ALG6: variants seen among roughly 807,000 people sequenced by gnomAD.
ALG6 encodes the protein dolichyl pyrophosphate Man9GlcNAc2 alpha-1,3-glucosyltransferase.
A neutral mutation model predicts 66.6 loss-of-function variants in ALG6; 46 were observed. The observed-to-expected ratio is 0.69, with a 90% confidence interval of 0.55 to 0.88. The LOEUF (loss-of-function observed/expected upper bound fraction) is 0.88. Ranked by LOEUF, ALG6 falls within the 40% of genes least tolerant of loss-of-function variation. The probability of loss-of-function intolerance (pLI) is 0.00; values close to 1 mark genes in which losing one functional copy is unlikely to be tolerated. For synonymous variants in ALG6, 185 were observed against 203.7 expected, an observed-to-expected ratio of 0.91 and a Z score of 0.78; for missense variants, 505 against 586.8, an observed-to-expected ratio of 0.86 and a Z score of 1.44.
chr1:63,387,570 C>T (rs376648077), intron 2 of ALG6, among the ~76,000 whole-genome samples: 11 of 84,348 alleles, frequency 1.3e-4, no homozygotes, highest in East Asian at 8.9e-4. Context: ...GAGACAGAGT[C>T]TTGCTCTGTT....
chr1:63,433,417 G>A lies in ALG6; in HGVS notation c.1327-3406G>A, dbSNP rs1438528079. ...ACAAGGCAGGTATTCTCAGGGCAGA[G>A]TTGAATGGGTGTCCTGAGGGTTTTG... On this transcript the variant is annotated intron_variant, in intron 14 of 14. Transcript: ENST00000263440. This position sits in a 1 kb window ranked among gnomAD's most constrained non-coding sequence, Gnocchi z 4.2. 6.6e-6 allele frequency among the ~76,000 whole-genome samples: 1 copy of A among 152,194 alleles called. No homozygotes were observed. Among genetic ancestry groups the A allele is most frequent in the African/African-American group, 2.4e-5 (1 of 41,448 alleles).
intron 3 of ALG6, among the ~76,000 whole-genome samples, chr1:63,400,296 CGTATATATATGTATATATATAT>C (rs1644454110): frequency 3.0e-4 from 2 of 6,560 alleles, no homozygotes; most frequent in Admixed American, 2.8e-3. Context: ...TATATATATA[CGTATATATATGTATATATATAT>C]ACGTATATAT....
At chr1:63,377,795 A>G (rs1648181923) in intron 2 of ALG6, among the ~76,000 whole-genome samples, 1 of 152,222 alleles carries the variant, frequency 6.6e-6, no homozygotes, top group Non-Finnish European at 1.5e-5. Flanking sequence ...GTACAGTGGC[A>G]TGACCATAGT....
intron 12 of ALG6, among the ~76,000 whole-genome samples, chr1:63,425,352 C>T (rs1371802226): frequency 6.6e-6 from 1 of 152,078 alleles, no homozygotes. Context: ...TGGCATTGGA[C>T]AGATGTGTGA....
intron 14 of ALG6, among the ~76,000 whole-genome samples, chr1:63,431,569 A>ACC (rs1376852377): frequency 6.6e-6 from 1 of 152,174 alleles, no homozygotes; most frequent in East Asian, 1.9e-4. Flanking sequence ...GGCCTGTGCC[A>ACC]CCACACCCGG....
intron 12 of ALG6, among the ~76,000 whole-genome samples, chr1:63,426,025 A>G (rs1644613477): frequency 6.6e-6 from 1 of 152,182 alleles, no homozygotes; most frequent in African/African-American, 2.4e-5. Context: ...TGAGATCACT[A>G]GAAGAGAGGC....
rs1483312967 is a variant in ALG6, at chr1:63,381,364, G to C, written c.82+10305G>C. On this transcript the variant is annotated intron_variant, in intron 2 of 14. Coordinates refer to ENST00000263440, the MANE Select transcript of ALG6 (RefSeq NM_013339.4). ...AGCTACTAGGGAGGCTGAGGCAGGAGAATGGCATGAACCCAGGAGGCGGAG... is the reference window on the plus strand; with the variant it reads ...AGCTACTAGGGAGGCTGAGGCAGGACAATGGCATGAACCCAGGAGGCGGAG... 4.6e-5 allele frequency among the ~76,000 whole-genome samples: 7 copies of C among 152,314 alleles called. No individual in the cohort carries two copies. The East Asian group carries it at 1.4e-3, about 29-fold the overall frequency.
chr1:63,411,905 CT>C lies in ALG6; in HGVS notation c.681-20del. ...TACTGACCTTTCCCTATCTTACTGCCTACCTTTGTTTTTGTTTTAGGTTTGT... is the reference window on the plus strand; with the variant it reads ...TACTGACCTTTCCCTATCTTACTGCCACCTTTGTTTTTGTTTTAGGTTTGT... On this transcript the variant is annotated intron_variant, in intron 8 of 14. Coordinates refer to ENST00000263440, the MANE Select transcript of ALG6 (RefSeq NM_013339.4). 6.2e-7 allele frequency: 1 copy of C among 1,613,966 alleles called. No individual in the cohort carries two copies. The highest frequency in any genetic ancestry group is 1.1e-5 in the South Asian group (1 of 91,074).
chr1:63,424,163 C>T (rs368355879), intron 12 of ALG6, among the ~76,000 whole-genome samples: 14 of 151,860 alleles, frequency 9.2e-5, no homozygotes, highest in East Asian at 3.9e-4. Context: ...TTTTTTGAGA[C>T]GGAGTCTCGC....
At chr1:63,435,737 T>C (rs1001846556) in intron 14 of ALG6, among the ~76,000 whole-genome samples, 4 of 152,064 alleles carry the variant, frequency 2.6e-5, no homozygotes, top group African/African-American at 9.6e-5. Flanking sequence ...TTTAAACTTA[T>C]TAAATTTAAA....
rs1192053870 is a variant in ALG6 at position 63,400,223 on chromosome 1, GTATATA to G, written c.168-2016_168-2011del. ...AAAAAAAAAATATATATATATATAC[GTATATA>G]TATATATATATATACGTATATATAT... On this transcript the variant is annotated intron_variant, in intron 3 of 14. Coordinates refer to ENST00000263440, the MANE Select transcript of ALG6 (RefSeq NM_013339.4). Among the ~76,000 whole-genome samples, 6 of 6,138 alleles carry G rather than the reference GTATATA, an allele frequency of 9.8e-4. 2 individuals carry two copies. Among genetic ancestry groups the G allele is most frequent in the African/African-American group, 3.4e-3 (2 of 588 alleles). The allele number at this position is 6,138 out of a possible 152,430, so 4.0% of individuals were successfully genotyped here.
At chr1:63,401,090 C>T (rs1297720429) in intron 3 of ALG6, among the ~76,000 whole-genome samples, 1 of 152,108 alleles carries the variant, frequency 6.6e-6, no homozygotes, top group Non-Finnish European at 1.5e-5. Context: ...AGACATGGAA[C>T]CCAAGATTGT....
At chr1:63,413,863 C>T in intron 9 of ALG6, 198 bp from the exon 10 acceptor site, 1 of 497,314 alleles carries the variant, frequency 2.0e-6, no homozygotes, top group South Asian at 2.2e-5. Flanking sequence ...TGATCAACTG[C>T]CCTGCACAAA....
At chr1:63,429,431 T>C (rs1477343002) in intron 14 of ALG6, 1 of 275,686 alleles carries the variant, frequency 3.6e-6, no homozygotes, top group Non-Finnish European at 6.9e-6. Flanking sequence ...TAGATTTGCC[T>C]ACTTTGGACA....
chr1:63,386,600 T>C (rs1648511047), intron 2 of ALG6, among the ~76,000 whole-genome samples: 1 of 152,158 alleles, frequency 6.6e-6, no homozygotes, highest in South Asian at 2.1e-4. Context: ...TTTTTTGGCA[T>C]ATAATTGCTC....
At chr1:63,391,645 A>G (rs1443962120) in intron 2 of ALG6, among the ~76,000 whole-genome samples, 8 of 152,228 alleles carry the variant, frequency 5.3e-5, no homozygotes, top group Non-Finnish European at 8.8e-5. Context: ...TCAGAACTCC[A>G]TCACACTCAA....
At chr1:63,373,378 G>GGAT (rs1648001210) in intron 2 of ALG6, among the ~76,000 whole-genome samples, 1 of 151,452 alleles carries the variant, frequency 6.6e-6, no homozygotes, top group East Asian at 2.0e-4. Flanking sequence ...TAAGGTGGGT[G>GGAT]GATTGCCTGA....
At chr1:63,406,618 T>A (rs1372689003) in intron 6 of ALG6, among the ~76,000 whole-genome samples, 2 of 152,122 alleles carry the variant, frequency 1.3e-5, no homozygotes, top group Non-Finnish European at 2.9e-5. Flanking sequence ...AGTTATGTAC[T>A]GTTGAACTAC....
rs1330719293 is a variant in ALG6 at position 63,371,016 on chromosome 1, A to G, written c.39A>G (p.Ile13Met). 2 of 1,611,104 alleles carry G rather than the reference A, an allele frequency of 1.2e-6. No homozygotes were observed. Among genetic ancestry groups the G allele is most frequent in the Admixed American group, 1.7e-5 (1 of 59,994 alleles). The change falls in exon 2 of 15, where the codon ATA (isoleucine) becomes ATG (methionine). Residue 13 changes from isoleucine (I) to methionine (M), a missense_variant. Physicochemically the swap from Ile to Met is conservative, Grantham distance 10. Transcript: ENST00000263440. ...KWYLMTVVVL[I>M]GLTVRWTVSL... is the part of the protein sequence containing the mutation. ...ACTTGATGACAGTAGTGGTTTTAAT[A>G]GGACTAACAGTACGATGGACAGTGT... is the stretch of plus-strand genomic sequence containing the variant.
Sources: allele counts gnomAD v4.1 joint callset (sites outside exome capture counted in the v4.1 genomes callset), GRCh38; gene constraint gnomAD v4.1.1; non-coding constraint Gnocchi (gnomAD v3.1); transcripts MANE v1.5; gene names NCBI Gene and HGNC (gene_info 2026-07-23, HGNC 2026-07-21).